The following KIAA1217 variants were observed in gnomAD, a reference collection of about 807,000 sequenced individuals.
The protein encoded by KIAA1217 is KIAA1217, also known as sickle tail protein homolog.
Under a neutral mutation model 163.9 loss-of-function variants are expected in KIAA1217, and 88 were observed. The observed-to-expected ratio is 0.54, with a 90% CI of 0.45 to 0.64. The LOEUF is 0.64. Among genes scored for constraint, KIAA1217 ranks in the 30% least tolerant of loss-of-function variants. KIAA1217 has a pLI of 0.00. For missense variants in KIAA1217, 2,372 were observed against 2,475.0 expected (o/e 0.96, Z 0.88); for synonymous variants, 903 against 923.1 (o/e 0.98, Z 0.39).
chr10:24,443,450 C>T (rs2060666352), intron 5 of KIAA1217, among the ~76,000 whole-genome samples: 1 of 152,138 alleles, frequency 6.6e-6, no homozygotes, highest in African/African-American at 2.4e-5. Context: ...TTCTCTTTTT[C>T]CAAGTGTCTC....
At chr10:24,188,438 A>G (rs942709573) in intron 2 of KIAA1217, among the ~76,000 whole-genome samples, 3 of 152,122 alleles carry the variant, frequency 2.0e-5, no homozygotes, top group Admixed American at 1.3e-4. Context: ...GATAAATCAC[A>G]TGTAAAAAAG....
chr10:24,405,384 A>C (rs1240151048), intron 3 of KIAA1217, among the ~76,000 whole-genome samples: 1 of 152,228 alleles, frequency 6.6e-6, no homozygotes, highest in Non-Finnish European at 1.5e-5. Context: ...TAATGGTGAG[A>C]AAATAAATTA....
chr10:24,346,542 A>G (rs1261286549), intron 2 of KIAA1217, among the ~76,000 whole-genome samples: 1 of 148,052 alleles, frequency 6.8e-6, no homozygotes, highest in Non-Finnish European at 1.5e-5. Context: ...GTCAAAGGAC[A>G]TTTGGTATTT....
At chr10:23,748,593 AGATGGAAGGGAGGGAG>A (rs1348737737) in intron 1 of KIAA1217, among the ~76,000 whole-genome samples, 1 of 132,296 alleles carries the variant, frequency 7.6e-6, no homozygotes, top group African/African-American at 2.8e-5. Flanking sequence ...GGGGGAGGGA[AGATGGAAGGGAGGGAG>A]GATGGGAAGG....
At chr10:24,256,215 G>A (rs1372317848) in intron 2 of KIAA1217, among the ~76,000 whole-genome samples, 1 of 152,078 alleles carries the variant, frequency 6.6e-6, no homozygotes, top group Non-Finnish European at 1.5e-5. Context: ...TCTTGTTCCT[G>A]CCTGACTACA....
intron 1 of KIAA1217, among the ~76,000 whole-genome samples, chr10:23,789,370 T>C (rs1394957907): frequency 6.6e-6 from 1 of 152,192 alleles, no homozygotes; most frequent in Non-Finnish European, 1.5e-5. Flanking sequence ...CCTTTTTCTC[T>C]AGACATATCG....
intron 6 of KIAA1217, among the ~76,000 whole-genome samples, chr10:24,490,174 A>G (rs2133624970): frequency 6.6e-6 from 1 of 152,364 alleles, no homozygotes; most frequent in South Asian, 2.1e-4. Context: ...CTAGTTAACC[A>G]TATACACTAA....
At chr10:23,843,061 G>A (rs915806203) in intron 1 of KIAA1217, among the ~76,000 whole-genome samples, 3 of 152,164 alleles carry the variant, frequency 2.0e-5, no homozygotes, top group African/African-American at 7.2e-5. Flanking sequence ...GGTTAGTCGT[G>A]AAGTGGAATC....
Position 24,338,597 on chromosome 10 carries a change from G to T in KIAA1217, c.355-42272G>T, listed in dbSNP as rs934719868. On this transcript the variant is annotated intron_variant, in intron 2 of 20. Transcript: ENST00000376454. ...CTTAAGAAGCTGAGCATGTTTTACA[G>T]TTTTGACCTTGATACTCAAGAAATG... Among the ~76,000 whole-genome samples the T allele has an allele frequency of 5.9e-5, 9 of 152,330 alleles. No homozygotes were observed. In the Middle Eastern group the frequency reaches 0.01, roughly 173 times the overall value.
intron 1 of KIAA1217, among the ~76,000 whole-genome samples, chr10:23,899,464 G>A (rs575251306): frequency 2.6e-5 from 4 of 152,186 alleles, no homozygotes; most frequent in Admixed American, 2.0e-4. Context: ...CTTCAAATCT[G>A]TTTCTGGATT....
intron 1 of KIAA1217, among the ~76,000 whole-genome samples, chr10:23,836,187 G>A (rs1838439731): frequency 6.6e-6 from 1 of 152,062 alleles, no homozygotes; most frequent in African/African-American, 2.4e-5. Flanking sequence ...GTTTTTAAAT[G>A]TATATTTTTT....
intron 1 of KIAA1217, among the ~76,000 whole-genome samples, chr10:23,950,667 C>T (rs1044763933): frequency 6.6e-6 from 1 of 151,952 alleles, no homozygotes; most frequent in African/African-American, 2.4e-5. Flanking sequence ...GGGTTAGAAG[C>T]TGGGAGGGGA....
intron 1 of KIAA1217, among the ~76,000 whole-genome samples, chr10:23,790,330 T>TATGCAC (rs1564422780): frequency 5.2e-5 from 1 of 19,394 alleles, no homozygotes. Flanking sequence ...CACATATGCA[T>TATGCAC]ATATGCATAT....
rs1342568729 is a variant in KIAA1217 at position 24,186,730 on chromosome 10, A to G, written c.-170-32896A>G. Among the ~76,000 whole-genome samples the G allele has an allele frequency of 2.0e-5, 3 of 152,090 alleles. No individual in the cohort carries two copies. In the East Asian group the frequency reaches 5.8e-4, roughly 29 times the overall value. ...ACATGGTGAAATCCCTTCTTTACTAAAAATGCAAAAATTAGCCAGCATGGT... is the reference window on the plus strand; with the variant it reads ...ACATGGTGAAATCCCTTCTTTACTAGAAATGCAAAAATTAGCCAGCATGGT... On this transcript the variant is annotated intron_variant, in intron 2 of 18. Coordinates refer to the KIAA1217 transcript ENST00000376462.
intron 2 of KIAA1217, among the ~76,000 whole-genome samples, chr10:24,333,034 T>A (rs1423693028): frequency 1.3e-5 from 2 of 152,106 alleles, no homozygotes; most frequent in African/African-American, 2.4e-5. Context: ...GTGTGTGTTA[T>A]TTTTTGAGAC....
At chr10:24,229,361 C>T (rs2071047327) in intron 2 of KIAA1217, among the ~76,000 whole-genome samples, 1 of 152,176 alleles carries the variant, frequency 6.6e-6, no homozygotes, top group Non-Finnish European at 1.5e-5. Flanking sequence ...GAACTAGACT[C>T]AGCTAAGAAT....
chr10:24,522,356 A>T (rs1213650324), intron 12 of KIAA1217, among the ~76,000 whole-genome samples: 1 of 152,154 alleles, frequency 6.6e-6, no homozygotes, highest in African/African-American at 2.4e-5. Context: ...TGGGTTTTTT[A>T]AAATAACATT....
chr10:23,792,613 C>T (rs1409147100), intron 1 of KIAA1217, among the ~76,000 whole-genome samples: 1 of 151,634 alleles, frequency 6.6e-6, no homozygotes, highest in Non-Finnish European at 1.5e-5. Flanking sequence ...CTGCCTCAGC[C>T]TCCCCAGTAA....
chr10:24,444,406 G>A (rs1026721073), intron 5 of KIAA1217, among the ~76,000 whole-genome samples: 1 of 152,110 alleles, frequency 6.6e-6, no homozygotes, highest in Non-Finnish European at 1.5e-5. Context: ...TGCTCTGTCA[G>A]AATTCATCTT....
Sources: gnomAD v4.1 joint callset for allele counts (sites outside exome capture counted in the v4.1 genomes callset) on GRCh38, gnomAD v4.1.1 for gene constraint, MANE v1.5 for transcripts, NCBI Gene and HGNC (gene_info 2026-07-23, HGNC 2026-07-21) for gene names.